The following LRPPRC variants were observed in gnomAD, a reference collection of about 807,000 sequenced individuals.
LRPPRC encodes the protein leucine rich pentatricopeptide repeat containing, also known as leucine-rich PPR motif-containing protein, mitochondrial.
Under a neutral mutation model 180.3 loss-of-function variants are expected in LRPPRC, and 120 were observed. The observed-to-expected ratio is 0.67, with a 90% CI of 0.57 to 0.77. The LOEUF is 0.77. Ranked by LOEUF, LRPPRC falls within the 30% of genes least tolerant of loss-of-function variation. The pLI, the probability that LRPPRC is intolerant of heterozygous loss-of-function variation, is 0.00. For synonymous variants in LRPPRC, 723 were observed against 600.0 expected, an observed-to-expected ratio of 1.21 and a Z score of -3.00; for missense variants, 2,012 against 1,657.2, an observed-to-expected ratio of 1.21 and a Z score of -3.72.
chr2:43,982,704 C>A (rs766162944), intron 1 of LRPPRC, among the ~76,000 whole-genome samples: 1 of 152,158 alleles, frequency 6.6e-6, no homozygotes, highest in Non-Finnish European at 1.5e-5. Flanking sequence ...ATTTCAAAAT[C>A]AGATGGAAAT....
intron 29 of LRPPRC, 123 bp downstream of exon 29, chr2:43,917,902 T>TA (rs1274199897): frequency 3.0e-6 from 2 of 675,208 alleles, no homozygotes; most frequent in African/African-American, 3.7e-5. Context: ...GGACAAGAAA[T>TA]ATGTAAAATT....
Position 43,965,950 on chromosome 2 carries a change from A to G in LRPPRC, c.1370-2244T>C, listed in dbSNP as rs933602698. Among the ~76,000 whole-genome samples the G allele has an allele frequency of 6.6e-5, 10 of 152,320 alleles. No individual in the cohort carries two copies. The Middle Eastern group carries it at 0.017, about 259-fold the overall frequency. Reference sequence around the variant, plus strand: ...AGATTCCTGAAAAACTTAGAAGTAGAATTACCAACAATCCCACTTCTGAGC... The same window carrying G: ...AGATTCCTGAAAAACTTAGAAGTAGGATTACCAACAATCCCACTTCTGAGC... On this transcript the variant is annotated intron_variant, in intron 11 of 37. Coordinates refer to ENST00000260665, the MANE Select transcript of LRPPRC (RefSeq NM_133259.4).
intron 31 of LRPPRC, among the ~76,000 whole-genome samples, chr2:43,905,059 C>T (rs1342095359): frequency 1.3e-5 from 2 of 152,192 alleles, no homozygotes; most frequent in African/African-American, 2.4e-5. Flanking sequence ...CAATCCCAAT[C>T]CTCCCCAAAG....
chr2:43,977,407 A>ACACCTACTT, intron 3 of LRPPRC, 131 bp from the exon 4 acceptor site: 3 of 690,360 alleles, frequency 4.3e-6, no homozygotes, highest in Admixed American at 4.3e-5. Context: ...CTTGGCGCTC[A>ACACCTACTT]GACCTATCTA....
chr2:43,909,244 T>C (rs1671169857), intron 30 of LRPPRC, among the ~76,000 whole-genome samples: 3 of 152,232 alleles, frequency 2.0e-5, no homozygotes, highest in Admixed American at 1.3e-4. Context: ...AACATTTTAT[T>C]GGTTCAAGGG....
At chr2:43,915,914 T>G (rs938337511) in intron 29 of LRPPRC, among the ~76,000 whole-genome samples, 4 of 152,090 alleles carry the variant, frequency 2.6e-5, no homozygotes, top group Admixed American at 6.6e-5. Flanking sequence ...TATAGTCCTG[T>G]GCCACCAAGC....
At chr2:43,993,495 G>A (rs1017580045) in intron 1 of LRPPRC, among the ~76,000 whole-genome samples, 1 of 152,200 alleles carries the variant, frequency 6.6e-6, no homozygotes, top group Non-Finnish European at 1.5e-5. Context: ...TAAAGGGACA[G>A]AGAAGTATGG....
Position 43,889,783 on chromosome 2 carries a change from G to T in LRPPRC, c.4079C>A (p.Ala1360Glu), listed in dbSNP as rs1332562067. ...KLDDLFLKRYASLLKYAGEPV... is the reference protein window; with the variant it reads ...KLDDLFLKRYESLLKYAGEPV... The stretch of plus-strand genomic sequence containing the variant: ...CTCTCCAGCATACTTCAGCAAAGAT[G>T]CGTAACGCTTTAGAAACAGATCATC... The change falls in exon 37 of 38, where the codon GCA becomes GAA. Residue 1360 changes from alanine (A) to glutamate (E), a missense_variant. Ala to Glu is a moderately radical substitution (Grantham distance 107). Transcript: ENST00000260665. 2 of 1,612,188 alleles carry T rather than the reference G, an allele frequency of 1.2e-6. No homozygotes were observed. Among genetic ancestry groups the T allele is most frequent in the Non-Finnish European group, 1.7e-6 (2 of 1,178,214 alleles).
At chr2:43,980,437 T>A (rs544099698) in intron 2 of LRPPRC, among the ~76,000 whole-genome samples, 1 of 151,466 alleles carries the variant, frequency 6.6e-6, no homozygotes, top group African/African-American at 2.4e-5. Context: ...CCTGTAATTC[T>A]AGCTACTCGG....
In LRPPRC at chr2:43,894,605, C is replaced by G. The variant is rs1156308022; in HGVS notation, c.3925G>C (p.Glu1309Gln). The part of the protein sequence containing the change: ...GKASTVKSVL[E>Q]LIPELNEKEE... The stretch of plus-strand genomic sequence containing the variant: ...TTTTCATTTAATTCAGGAATCAATT[C>G]TAACACAGATTTCACAGTTGATGCC... The change falls in exon 36 of 38, where the codon GAA becomes CAA. Residue 1309 changes from glutamate to glutamine, a missense_variant. Glu to Gln is a conservative substitution (Grantham distance 29). Transcript: ENST00000260665. The G allele has an allele frequency of 6.3e-7, 1 of 1,580,176 alleles. No individual in the cohort carries two copies. Among genetic ancestry groups the G allele is most frequent in the Non-Finnish European group, 8.7e-7 (1 of 1,149,454 alleles).
intron 11 of LRPPRC, among the ~76,000 whole-genome samples, chr2:43,965,834 G>C (rs1673531349): frequency 6.6e-6 from 1 of 152,206 alleles, no homozygotes; most frequent in Non-Finnish European, 1.5e-5. Flanking sequence ...ACACCTGTCA[G>C]AATGGCTACT....
chr2:43,896,107 G>C (rs1359586634), intron 35 of LRPPRC: 1 of 152,956 alleles, frequency 6.5e-6, no homozygotes, highest in Non-Finnish European at 1.5e-5. Flanking sequence ...CCACGTGCTA[G>C]GAGACACTCT....
intron 27 of LRPPRC, among the ~76,000 whole-genome samples, chr2:43,923,704 T>A (rs1361985311): frequency 6.7e-6 from 1 of 149,326 alleles, no homozygotes; most frequent in Non-Finnish European, 1.5e-5. Flanking sequence ...GCTTCATAGT[T>A]TTTTTTTTTT....
At chr2:43,920,061 C>T (rs1162557543) in intron 27 of LRPPRC, among the ~76,000 whole-genome samples, 1 of 120,752 alleles carries the variant, frequency 8.3e-6, no homozygotes, top group Non-Finnish European at 1.7e-5. Flanking sequence ...ACTCATTCTT[C>T]ATGGGAAATC....
At chr2:43,964,605 C>T (rs1673478682) in intron 11 of LRPPRC, among the ~76,000 whole-genome samples, 1 of 151,980 alleles carries the variant, frequency 6.6e-6, no homozygotes, top group African/African-American at 2.4e-5. Flanking sequence ...AAATAATTGA[C>T]AGTAAATTCC....
At position 43,950,516 on chromosome 2, in the gene LRPPRC, G is replaced by A. The variant is rs556145317; in HGVS notation, c.1677+57C>T. The A allele has an allele frequency of 1.9e-5, 27 of 1,398,552 alleles. No homozygotes were observed. In the African/African-American group the frequency reaches 2.6e-4, roughly 13 times the overall value. The allele number at this position is 1,398,552 out of a possible 1,614,324, so 86.6% of individuals were successfully genotyped here. A position where few individuals can be genotyped will look rare whatever the true frequency, so the allele number is the denominator to read the frequency against. On this transcript the variant is annotated intron_variant, in intron 15 of 37. Transcript: ENST00000260665. ...TGATAAAAATTATTACATAACCTAT[G>A]GTATTGGCTTGTAACGTTAAAAGCA...
chr2:43,933,571 C>A (rs578254228), intron 25 of LRPPRC, among the ~76,000 whole-genome samples: 3 of 152,112 alleles, frequency 2.0e-5, no homozygotes, highest in African/African-American at 7.2e-5. Flanking sequence ...ACAATTTGGA[C>A]AGACTTTATA....
intron 27 of LRPPRC, among the ~76,000 whole-genome samples, chr2:43,921,293 T>C (rs1202061892): frequency 6.6e-6 from 1 of 151,880 alleles, no homozygotes; most frequent in African/African-American, 2.4e-5. Flanking sequence ...CTAAAACAAA[T>C]AAGGACTAAA....
intron 1 of LRPPRC, among the ~76,000 whole-genome samples, chr2:43,987,175 T>C (rs17432725): frequency 0.21 from 31,183 of 151,992 alleles, 3,988 homozygotes; most frequent in African/African-American, 0.35. Context: ...GTATCCAAAA[T>C]GCAAAAAGAT....
Sources: gnomAD v4.1 joint callset for allele counts (sites outside exome capture counted in the v4.1 genomes callset) on GRCh38, gnomAD v4.1.1 for gene constraint, MANE v1.5 for transcripts, NCBI Gene and HGNC (gene_info 2026-07-23, HGNC 2026-07-21) for gene names.